FHOD3: variants seen among roughly 807,000 people sequenced by gnomAD.
The protein encoded by FHOD3 is FH1/FH2 domain-containing protein 3.
FHOD3 carries 90 observed loss-of-function variants against 173.0 expected under a neutral mutation model. The ratio of observed to expected loss-of-function variants is 0.52; its 90% CI spans 0.44 to 0.62. The LOEUF (loss-of-function observed/expected upper bound fraction) is 0.62, where lower values mean the gene tolerates loss of function less well. Among genes scored for constraint, FHOD3 ranks in the 20% least tolerant of loss-of-function variants. The pLI is 0.00. For synonymous variants in FHOD3, 828 were observed against 823.0 expected (o/e 1.01, Z -0.10); for missense variants, 1,945 against 2,034.7 (o/e 0.96, Z 0.85).
chr18:36,748,835 T>A (rs542266512), intron 24 of FHOD3, among the ~76,000 whole-genome samples: 1 of 152,294 alleles, frequency 6.6e-6, no homozygotes, highest in African/African-American at 2.4e-5. Flanking sequence ...AAAGCAGGAC[T>A]CTCTTGTTGA....
chr18:36,545,899 C>G (rs899184487), intron 5 of FHOD3, among the ~76,000 whole-genome samples: 2 of 152,084 alleles, frequency 1.3e-5, no homozygotes, highest in African/African-American at 4.8e-5. Context: ...TGGCTTATAC[C>G]CCCACAACTA....
chr18:36,428,107 T>C (rs1033345598), intron 3 of FHOD3, among the ~76,000 whole-genome samples: 1 of 152,174 alleles, frequency 6.6e-6, no homozygotes, highest in Non-Finnish European at 1.5e-5. Flanking sequence ...TCCTCTTGGT[T>C]AGCCTCTGCC....
At chr18:36,641,859 A>G (rs1421775100) in intron 10 of FHOD3, among the ~76,000 whole-genome samples, 1 of 151,860 alleles carries the variant, frequency 6.6e-6, no homozygotes, top group Non-Finnish European at 1.5e-5. Context: ...AGGCTGAGGC[A>G]GGAGAATCGC....
rs1010252962 is a variant in FHOD3, at chr18:36,659,418, C to T, written c.1835+1230C>T. ...AGTTCTGTCCTTTACCCTAGGGCAC[C>T]TCCTGTTGGGATTAGCTGAAGTTAC... On this transcript the variant is annotated intron_variant, in intron 14 of 28. Transcript: ENST00000590592. Among the ~76,000 whole-genome samples, 11 of 152,336 alleles carry T rather than the reference C, an allele frequency of 7.2e-5. No homozygotes were observed. In the South Asian group the frequency reaches 2.1e-3, roughly 29 times the overall value.
At chr18:36,486,553 G>A (rs1003770012) in intron 3 of FHOD3, among the ~76,000 whole-genome samples, 6 of 152,268 alleles carry the variant, frequency 3.9e-5, no homozygotes, top group Admixed American at 2.6e-4. Flanking sequence ...AGTGATCTAA[G>A]TTTATATAAC....
intron 1 of FHOD3, among the ~76,000 whole-genome samples, chr18:36,325,756 C>T (rs1056802649): frequency 6.6e-6 from 1 of 152,164 alleles, no homozygotes; most frequent in African/African-American, 2.4e-5. Context: ...TTTTGCTAGG[C>T]AGCCTGCACC....
At chr18:36,456,119 ACTT>A (rs2052195777) in intron 3 of FHOD3, among the ~76,000 whole-genome samples, 1 of 151,882 alleles carries the variant, frequency 6.6e-6, no homozygotes, top group Non-Finnish European at 1.5e-5. Flanking sequence ...GTTCCTTTGA[ACTT>A]CTTTTGTCCT....
intron 8 of FHOD3, among the ~76,000 whole-genome samples, chr18:36,603,344 T>C (rs1359996146): frequency 2.6e-5 from 4 of 151,986 alleles, no homozygotes; most frequent in East Asian, 1.9e-4. Context: ...ATGCGACACG[T>C]GGAGTGGATG....
At chr18:36,633,428 C>G (rs1178482300) in intron 10 of FHOD3, among the ~76,000 whole-genome samples, 1 of 152,222 alleles carries the variant, frequency 6.6e-6, no homozygotes, top group Non-Finnish European at 1.5e-5. Context: ...CTTCCCTAGT[C>G]ATATCTGCCT....
At chr18:36,464,559 A>G (rs994785427) in intron 3 of FHOD3, among the ~76,000 whole-genome samples, 1 of 152,186 alleles carries the variant, frequency 6.6e-6, no homozygotes, top group Non-Finnish European at 1.5e-5. Flanking sequence ...TAAAAATTCC[A>G]TCAACTAACA....
chr18:36,751,794 A>G (rs544238626), intron 24 of FHOD3, among the ~76,000 whole-genome samples: 1 of 151,876 alleles, frequency 6.6e-6, no homozygotes, highest in South Asian at 2.1e-4. Flanking sequence ...ATCCTTTTGT[A>G]CTCTCTGGAT....
intron 20 of FHOD3, among the ~76,000 whole-genome samples, chr18:36,734,698 C>T (rs1341630332): frequency 6.6e-6 from 1 of 152,140 alleles, no homozygotes; most frequent in Non-Finnish European, 1.5e-5. Context: ...AGAGTTAAAT[C>T]AGGACTCAGA....
At chr18:36,661,941 A>G (rs981744114) in intron 14 of FHOD3, among the ~76,000 whole-genome samples, 1 of 152,266 alleles carries the variant, frequency 6.6e-6, no homozygotes, top group Non-Finnish European at 1.5e-5. Flanking sequence ...CCTCAGGAAT[A>G]CAAGATGCAA....
At chr18:36,503,795 C>T (rs2055157694) in intron 4 of FHOD3, among the ~76,000 whole-genome samples, 1 of 152,208 alleles carries the variant, frequency 6.6e-6, no homozygotes, top group Admixed American at 6.5e-5. Context: ...CTCAGCATAA[C>T]ATGGAAGTCC....
At chr18:36,645,595 AGGCCAGTATAACCTTGATTTCAAAAT>A (rs1241989927) in intron 10 of FHOD3, among the ~76,000 whole-genome samples, 2 of 152,184 alleles carry the variant, frequency 1.3e-5, no homozygotes, top group African/African-American at 2.4e-5. Flanking sequence ...CCTCTTTATA[AGGCCAGTATAACCTTGATTTCAAAAT>A]CTGACAAGCA....
At chr18:36,720,709 C>CTCCTTCTCT (rs1286513252) in intron 19 of FHOD3, among the ~76,000 whole-genome samples, 7 of 150,482 alleles carry the variant, frequency 4.7e-5, no homozygotes, top group African/African-American at 1.2e-4. Flanking sequence ...TCTCCTCCTC[C>CTCCTTCTCT]TCCTCCTTCT....
intron 3 of FHOD3, 106 bp from the exon 4 acceptor site, chr18:36,501,826 T>C: frequency 1.3e-6 from 1 of 766,178 alleles, no homozygotes; most frequent in Non-Finnish European, 2.1e-6. Context: ...GAATAGGCTT[T>C]CATTACCTTT....
At chr18:36,621,394 C>A (rs1495898) in intron 9 of FHOD3, among the ~76,000 whole-genome samples, 148,381 of 152,300 alleles carry the variant, frequency 0.97, 72,407 homozygotes, top group East Asian at 1. Context: ...ATCCCTGTTC[C>A]TGATGTTTTG....
At chr18:36,420,624 G>A (rs1409013690) in intron 3 of FHOD3, among the ~76,000 whole-genome samples, 1 of 152,212 alleles carries the variant, frequency 6.6e-6, no homozygotes, top group Non-Finnish European at 1.5e-5. Context: ...GAAATTTGAT[G>A]TTAAGTATTT....
Sources: gnomAD v4.1 joint callset for allele counts (sites outside exome capture counted in the v4.1 genomes callset) on GRCh38, gnomAD v4.1.1 for gene constraint, MANE v1.5 for transcripts, NCBI Gene and HGNC (gene_info 2026-07-23, HGNC 2026-07-21) for gene names.